PTPRR: variants seen among roughly 807,000 people sequenced by gnomAD.
PTPRR encodes the protein protein tyrosine phosphatase receptor type R.
A neutral mutation model predicts 77.2 loss-of-function variants in PTPRR; 38 were observed. The observed-to-expected ratio is 0.49, with a 90% CI of 0.38 to 0.65. The LOEUF (loss-of-function observed/expected upper bound fraction) is 0.65, where lower values mean the gene tolerates loss of function less well. PTPRR is among the 30% of genes least tolerant of loss of function. The pLI, the probability that PTPRR is intolerant of heterozygous loss-of-function variation, is 0.00. For synonymous variants in PTPRR, 299 were observed against 283.1 expected, an observed-to-expected ratio of 1.06 and a Z score of -0.57; for missense variants, 744 against 799.2, an observed-to-expected ratio of 0.93 and a Z score of 0.83.
At chr12:70,733,175 G>T (rs1179148623) in intron 6 of PTPRR, among the ~76,000 whole-genome samples, 1 of 151,828 alleles carries the variant, frequency 6.6e-6, no homozygotes, top group Non-Finnish European at 1.5e-5. Context: ...GACATTATTA[G>T]GGAACAATAA....
In PTPRR at chr12:70,668,805, T is replaced by C. The variant is rs972313764; in HGVS notation, c.1498-6200A>G. ...TACTACATACCCACAAAATTAAAAA[T>C]AAAAATTTAAATAAAGAAACTCTTT... is the stretch of plus-strand genomic sequence containing the variant. On this transcript the variant is annotated intron_variant, in intron 10 of 13. Transcript: ENST00000283228. Among the ~76,000 whole-genome samples, 3 of 152,244 alleles carry C rather than the reference T, an allele frequency of 2.0e-5. No homozygotes were observed. The South Asian group carries it at 6.2e-4, about 32-fold the overall frequency.
chr12:70,707,900 T>C (rs1428663409), intron 6 of PTPRR, among the ~76,000 whole-genome samples: 5 of 152,086 alleles, frequency 3.3e-5, no homozygotes, highest in Non-Finnish European at 7.4e-5. Flanking sequence ...AACCTGCAAG[T>C]AGCTACCCTT....
intron 2 of PTPRR, among the ~76,000 whole-genome samples, chr12:70,785,996 C>G (rs938641570): frequency 6.6e-6 from 1 of 152,284 alleles, no homozygotes; most frequent in East Asian, 1.9e-4. Context: ...CTCCCCTCCC[C>G]TTCCTTCAGT....
chr12:70,812,318 T>A (rs901661188), intron 2 of PTPRR, among the ~76,000 whole-genome samples: 1 of 152,176 alleles, frequency 6.6e-6, no homozygotes, highest in African/African-American at 2.4e-5. Context: ...GGCAGCCACG[T>A]GACACCCAAA....
At chr12:70,733,199 A>G (rs1014131872) in intron 6 of PTPRR, among the ~76,000 whole-genome samples, 4 of 152,086 alleles carry the variant, frequency 2.6e-5, no homozygotes, top group South Asian at 2.1e-4. Context: ...CATTTGATAC[A>G]CTGTTGTTAA....
chr12:70,803,930 T>C (rs986599918), intron 2 of PTPRR, among the ~76,000 whole-genome samples: 14 of 152,166 alleles, frequency 9.2e-5, no homozygotes, highest in African/African-American at 3.4e-4. Context: ...TGTATTTATG[T>C]ATTCAGGTGG....
chr12:70,839,030 A>C (rs958261235), intron 2 of PTPRR, among the ~76,000 whole-genome samples: 1 of 152,170 alleles, frequency 6.6e-6, no homozygotes, highest in Non-Finnish European at 1.5e-5. Flanking sequence ...GAGGTCATGC[A>C]TACACCTTCC....
At chr12:70,910,213 A>G (rs569981755) in intron 1 of PTPRR, among the ~76,000 whole-genome samples, 1 of 152,326 alleles carries the variant, frequency 6.6e-6, no homozygotes, top group African/African-American at 2.4e-5. Context: ...GAATATATTC[A>G]GTGTTCCAGG....
Position 70,745,970 on chromosome 12 carries a change from TG to T in PTPRR, c.854del (p.Thr285LysfsTer15). 1 of 1,614,176 alleles carries T rather than the reference TG, an allele frequency of 6.2e-7. No homozygotes were observed. Among genetic ancestry groups the T allele is most frequent in the Non-Finnish European group, 8.5e-7 (1 of 1,180,032 alleles). On this transcript the variant is annotated frameshift_variant, in exon 6 of 14. Transcript: ENST00000283228. LOFTEE classifies it high-confidence loss of function. ...TLQPALSEAK[T>X]VHSMVQPEQA... ...GCTCAGGTTGGACCATGCTGTGGAC[TG>T]TCTTTGCCTCGGACAGTGCTGGCTG...
rs954549836 is a variant in PTPRR, at chr12:70,759,786, G to A, written c.627+1685C>T. ...GAATATGGTGTATCATAGATCTATC[G>A]AGTTTAGAATTGCTGAAATGTAAAC... On this transcript the variant is annotated intron_variant, in intron 4 of 13. Transcript: ENST00000283228. Among the ~76,000 whole-genome samples, 7 of 150,284 alleles carry A rather than the reference G, an allele frequency of 4.7e-5. 1 individual carries two copies.
chr12:70,908,512 CA>C (rs2137134086), intron 1 of PTPRR, among the ~76,000 whole-genome samples: 1 of 152,236 alleles, frequency 6.6e-6, no homozygotes, highest in African/African-American at 2.4e-5. Context: ...CTTATAAAAC[CA>C]TCAGATCTCG....
At chr12:70,762,954 A>G (rs1246465427) in intron 3 of PTPRR, among the ~76,000 whole-genome samples, 3 of 152,034 alleles carry the variant, frequency 2.0e-5, no homozygotes, top group African/African-American at 7.2e-5. Flanking sequence ...TCCCTCCTTC[A>G]CCCTTGCAAA....
chr12:70,822,469 ATG>A (rs1379235264), intron 2 of PTPRR, among the ~76,000 whole-genome samples: 2 of 152,340 alleles, frequency 1.3e-5, no homozygotes, highest in South Asian at 2.1e-4. Context: ...CATGAAAAAC[ATG>A]TGTCATGCCC....
At chr12:70,747,324 G>A (rs893243752) in intron 5 of PTPRR, among the ~76,000 whole-genome samples, 1 of 152,166 alleles carries the variant, frequency 6.6e-6, no homozygotes, top group African/African-American at 2.4e-5. Flanking sequence ...TTAAAATATT[G>A]TTTTAGTTGC....
At chr12:70,878,642 C>T (rs1198361608) in intron 2 of PTPRR, among the ~76,000 whole-genome samples, 3 of 152,200 alleles carry the variant, frequency 2.0e-5, no homozygotes, top group Non-Finnish European at 2.9e-5. Flanking sequence ...AACACTTTTA[C>T]ACTGTTGGTG....
intron 4 of PTPRR, 161 bp from the exon 5 acceptor site, chr12:70,754,462 A>G (rs1890506482): frequency 3.2e-6 from 5 of 1,562,926 alleles, no homozygotes; most frequent in Admixed American, 2.0e-5. Flanking sequence ...ATCTAAGACA[A>G]CAGACTGCCA....
Position 70,783,869 on chromosome 12 carries a change from G to GAC in PTPRR, c.358-19092_358-19091insGT, listed in dbSNP as rs1565695655. Among the ~76,000 whole-genome samples the GAC allele has an allele frequency of 3.6e-4, 41 of 115,410 alleles. 1 individual carries two copies. Among genetic ancestry groups the GAC allele is most frequent in the African/African-American group, 1.4e-3 (34 of 24,260 alleles). The allele number at this position is 115,410 out of a possible 152,430, so 75.7% of individuals were successfully genotyped here. On this transcript the variant is annotated intron_variant, in intron 2 of 13. Coordinates refer to ENST00000283228, the MANE Select transcript of PTPRR (RefSeq NM_002849.4). ...TAAGGCTGTGTGGGGGGGACGGGGG[G>GAC]GGGGGGCGGGGGGCGGGGGTTGGCA...
chr12:70,754,123 G>A, intron 5 of PTPRR, 68 bp downstream of exon 5: 4 of 1,415,224 alleles, frequency 2.8e-6, no homozygotes, highest in South Asian at 1.2e-5. Context: ...CATTTGAATG[G>A]CAATGTACCC....
chr12:70,668,266 A>AGAAGAGGAG (rs1369102163), intron 10 of PTPRR, among the ~76,000 whole-genome samples: 3 of 151,916 alleles, frequency 2.0e-5, no homozygotes, highest in Admixed American at 6.6e-5. Context: ...ATAAGGATGA[A>AGAAGAGGAG]GAAGAGGAGG....
Sources: gnomAD v4.1 joint callset for allele counts (sites outside exome capture counted in the v4.1 genomes callset) on GRCh38, gnomAD v4.1.1 for gene constraint, MANE v1.5 for transcripts, NCBI Gene and HGNC (gene_info 2026-07-23, HGNC 2026-07-21) for gene names.